The following MID1 variants were observed in gnomAD, a reference collection of about 807,000 sequenced individuals.
The protein encoded by MID1 is midline 1.
Under a neutral mutation model 40.4 loss-of-function variants are expected in MID1, and 7 were observed. That is an observed-to-expected ratio of 0.17 (90% CI 0.10 to 0.33). The LOEUF (loss-of-function observed/expected upper bound fraction) is 0.33. MID1 is among the 10% of genes least tolerant of loss of function. The pLI is 1.00. For synonymous variants in MID1, 229 were observed against 221.2 expected (o/e 1.04, Z -0.31); for missense variants, 367 against 558.5 (o/e 0.66, Z 3.46).
intron 1 of MID1, among the ~76,000 whole-genome samples, chrX:10,822,567 A>G (rs2044182715): frequency 8.9e-6 from 1 of 111,952 alleles, no homozygotes; most frequent in Admixed American, 9.5e-5. Context: ...GAATAAGATA[A>G]AATTTTTTCA....
At chrX:10,763,504 C>T (rs1485230791) in intron 1 of MID1, among the ~76,000 whole-genome samples, 49 of 111,443 alleles carry the variant, frequency 4.4e-4, no homozygotes, top group African/African-American at 1.5e-3. Context: ...CTCATCCTTT[C>T]TTATGGCTGC....
chrX:10,739,263 G>A (rs894835295), intron 1 of MID1, among the ~76,000 whole-genome samples: 2 of 111,599 alleles, frequency 1.8e-5, no homozygotes, highest in African/African-American at 6.5e-5. Flanking sequence ...TCCTGTGTGT[G>A]GGTGGCATGG....
intron 1 of MID1, among the ~76,000 whole-genome samples, chrX:10,701,845 T>G (rs2043195717): frequency 8.9e-6 from 1 of 112,335 alleles, no homozygotes; most frequent in African/African-American, 3.2e-5. Context: ...AACTCCAGTG[T>G]AAGAAAAGCT....
chrX:10,610,521 G>A (rs1266927861), intron 1 of MID1, among the ~76,000 whole-genome samples: 2 of 110,966 alleles, frequency 1.8e-5, no homozygotes, highest in South Asian at 3.9e-4. Context: ...AGATCTCTAG[G>A]GTATACTCTA....
intron 1 of MID1, among the ~76,000 whole-genome samples, chrX:10,775,116 T>G (rs1602570032): frequency 1.8e-5 from 1 of 54,975 alleles, no homozygotes; most frequent in African/African-American, 7.8e-5. Context: ...GGAGGAGGGA[T>G]AAAGGAGGGG....
chrX:10,723,707 G>A (rs1044143088), intron 1 of MID1, among the ~76,000 whole-genome samples: 2 of 112,129 alleles, frequency 1.8e-5, no homozygotes, highest in African/African-American at 3.2e-5. Context: ...GCCCGCCACC[G>A]CGCCCGGCTA....
At chrX:10,818,492 C>A (rs892662005) in intron 1 of MID1, among the ~76,000 whole-genome samples, 1 of 112,568 alleles carries the variant, frequency 8.9e-6, no homozygotes, top group African/African-American at 3.2e-5. Flanking sequence ...TTTTCATTAG[C>A]TGTATTAACA....
intron 1 of MID1, among the ~76,000 whole-genome samples, chrX:10,799,196 T>C (rs1272783079): frequency 8.9e-6 from 1 of 111,807 alleles, no homozygotes; most frequent in Non-Finnish European, 1.9e-5. Context: ...TGGCTGATGC[T>C]ACTTTGGTTT....
chrX:10,809,444 T>A (rs1322900302), intron 1 of MID1, among the ~76,000 whole-genome samples: 1 of 111,488 alleles, frequency 9.0e-6, no homozygotes, highest in African/African-American at 3.3e-5. Flanking sequence ...ACCCAAAGGA[T>A]TATAAATCAT....
chrX:10,788,512 C>T (rs1267030183), intron 1 of MID1, among the ~76,000 whole-genome samples: 2 of 109,946 alleles, frequency 1.8e-5, no homozygotes, highest in East Asian at 5.7e-4. Flanking sequence ...ATTCCAAATC[C>T]CTGGGAAAAT....
chrX:10,532,332 A>C (rs1026736047), intron 2 of MID1, among the ~76,000 whole-genome samples: 2 of 111,784 alleles, frequency 1.8e-5, no homozygotes, highest in African/African-American at 6.5e-5. Context: ...TCTCTACAAA[A>C]ACTTTTTTAA....
intron 1 of MID1, among the ~76,000 whole-genome samples, chrX:10,704,486 C>T (rs1024338186): frequency 1.8e-5 from 2 of 108,484 alleles, no homozygotes; most frequent in East Asian, 2.9e-4. Flanking sequence ...TGCCTCCCAG[C>T]CTTTATGGGC....
chrX:10,821,409 T>C (rs935205713), intron 1 of MID1, among the ~76,000 whole-genome samples: 22 of 112,100 alleles, frequency 2.0e-4, no homozygotes. Flanking sequence ...ATAGGACTAA[T>C]TACAAAGATT....
intron 1 of MID1, among the ~76,000 whole-genome samples, chrX:10,704,739 T>TATACACAC (rs1233692170): frequency 1.2e-5 from 1 of 82,207 alleles, no homozygotes; most frequent in African/African-American, 5.3e-5. Flanking sequence ...TATATATATA[T>TATACACAC]ACACACACAC....
At chrX:10,805,623 C>G (rs1273270086) in intron 1 of MID1, among the ~76,000 whole-genome samples, 1 of 73,991 alleles carries the variant, frequency 1.4e-5, no homozygotes, top group Non-Finnish European at 2.5e-5. Flanking sequence ...ATTTCTAGTT[C>G]TAGATCCCTG....
chrX:10,531,164 C>T (rs1316952475), intron 2 of MID1, among the ~76,000 whole-genome samples: 2 of 111,416 alleles, frequency 1.8e-5, no homozygotes, highest in Middle Eastern at 4.6e-3. Flanking sequence ...TCAAGTGCCA[C>T]GACCCATATA....
chrX:10,505,586 T>C (rs896408705), intron 3 of MID1: 3 of 752,527 alleles, frequency 4.0e-6, no homozygotes, highest in African/African-American at 4.6e-5. Flanking sequence ...TTCTGAAAAG[T>C]AGCGATTTCT....
chrX:10,533,364 G>GAAAGAAAGAAAGAAAGAAAGAAAGAA (rs1933074262), intron 2 of MID1, among the ~76,000 whole-genome samples: 1 of 52,045 alleles, frequency 1.9e-5, no homozygotes, highest in Admixed American at 2.4e-4. Flanking sequence ...AAGAAAGAAA[G>GAAAGAAAGAAAGAAAGAAAGAAAGAA]AAAGAAAGAA....
At chrX:10,459,479 C>T (rs770244444) in intron 8 of MID1, among the ~76,000 whole-genome samples, 167 bp downstream of exon 8, 6 of 112,024 alleles carry the variant, frequency 5.4e-5, no homozygotes, top group Non-Finnish European at 1.1e-4. Context: ...AGTTTTGGAA[C>T]CTAGAGGTAT....
Sources: allele counts gnomAD v4.1 joint callset (sites outside exome capture counted in the v4.1 genomes callset), GRCh38; gene constraint gnomAD v4.1.1; transcripts MANE v1.5; gene names NCBI Gene and HGNC (gene_info 2026-07-23, HGNC 2026-07-21).